The following CDON variants were observed in gnomAD, a reference collection of about 807,000 sequenced individuals.
The protein encoded by CDON is cell adhesion molecule-related/down-regulated by oncogenes.
In CDON, 73 loss-of-function variants were observed where a neutral mutation model predicts 120.9. The ratio of observed to expected loss-of-function variants is 0.60; its 90% confidence interval spans 0.50 to 0.73. The LOEUF is 0.73. Among genes scored for constraint, CDON ranks in the 30% least tolerant of loss-of-function variants. CDON has a pLI of 0.00. For synonymous variants in CDON, 566 were observed against 573.5 expected (o/e 0.99, Z 0.19); for missense variants, 1,470 against 1,587.3 (o/e 0.93, Z 1.26).
intron 7 of CDON, among the ~76,000 whole-genome samples, chr11:126,014,206 A>C (rs144749998): frequency 2.6e-5 from 4 of 152,304 alleles, no homozygotes; most frequent in Admixed American, 2.6e-4. Flanking sequence ...ACAGATAAAG[A>C]ACTCTTATAA....
At chr11:125,998,922 C>T (rs1946863720) in intron 11 of CDON, among the ~76,000 whole-genome samples, 1 of 152,206 alleles carries the variant, frequency 6.6e-6, no homozygotes, top group Non-Finnish European at 1.5e-5. Flanking sequence ...AGCCCCATCT[C>T]TAGCCCATGC....
chr11:125,959,930 T>A lies in CDON; in HGVS notation c.*1012A>T, dbSNP rs1245740648. The stretch of plus-strand genomic sequence containing the variant: ...GTGGCCATTTTATAAATTAATGTAA[T>A]TTTAAAGCAGTGGGACATGAGGCAT... On this transcript the variant is annotated 3_prime_UTR_variant, in exon 20 of 20. Transcript: ENST00000531738. 1 of 152,226 alleles carries A rather than the reference T, an allele frequency of 6.6e-6. No individual in the cohort carries two copies. The highest frequency in any genetic ancestry group is 1.5e-5 in the Non-Finnish European group (1 of 68,048). 9.4% of individuals were successfully genotyped at this position (152,226 alleles called of 1,614,324 possible). A position where few individuals can be genotyped will look rare whatever the true frequency, so the allele number is the denominator to read the frequency against.
At chr11:126,029,451 T>C (rs651284) in intron 1 of CDON, among the ~76,000 whole-genome samples, 117,282 of 152,090 alleles carry the variant, frequency 0.77, 46,480 homozygotes, top group African/African-American at 0.95. Flanking sequence ...TATGCAAAAA[T>C]TGCTGACACT....
chr11:126,028,733 T>C (rs567305241), intron 1 of CDON, among the ~76,000 whole-genome samples: 1 of 151,440 alleles, frequency 6.6e-6, no homozygotes, highest in African/African-American at 2.4e-5. Flanking sequence ...TATTTATTTA[T>C]TTATTTATTT....
chr11:125,984,127 AGT>A (rs768468047), intron 15 of CDON, 34 bp from the exon 16 acceptor site: 4 of 1,400,934 alleles, frequency 2.9e-6, no homozygotes, highest in Non-Finnish European at 4.1e-6. Context: ...ATGATGTCAG[AGT>A]GAATACAGAC....
chr11:125,990,657 A>AG (rs1476444606), intron 14 of CDON, among the ~76,000 whole-genome samples: 2 of 152,166 alleles, frequency 1.3e-5, no homozygotes, highest in African/African-American at 2.4e-5. Context: ...TTAAAGGGGG[A>AG]GAAAAAAAGC....
intron 9 of CDON, among the ~76,000 whole-genome samples, chr11:126,005,218 C>T (rs545054209): frequency 1.0e-4 from 15 of 150,540 alleles, no homozygotes; most frequent in South Asian, 4.2e-4. Context: ...ACGAGAACTG[C>T]TGGAACCCGG....
chr11:126,053,579 C>G (rs937310144), intron 1 of CDON, among the ~76,000 whole-genome samples: 8 of 152,192 alleles, frequency 5.3e-5, no homozygotes, highest in Admixed American at 2.6e-4. Context: ...TCCTGCAAAA[C>G]TGTACTGTCA....
At chr11:126,018,637 T>C (rs1043632079) in intron 4 of CDON, among the ~76,000 whole-genome samples, 164 bp from the exon 5 acceptor site, 6 of 152,078 alleles carry the variant, frequency 3.9e-5, no homozygotes, top group African/African-American at 1.4e-4. Context: ...GGCATAAGCA[T>C]GGCTCGCTAC....
At chr11:126,000,127 C>T (rs986596222) in intron 11 of CDON, among the ~76,000 whole-genome samples, 3 of 152,188 alleles carry the variant, frequency 2.0e-5, no homozygotes, top group Admixed American at 1.3e-4. Context: ...CGAGCATAAG[C>T]AATCAAAATT....
chr11:126,051,461 T>C (rs112343863), intron 1 of CDON, among the ~76,000 whole-genome samples: 1,985 of 152,178 alleles, frequency 0.013, 27 homozygotes, highest in Non-Finnish European at 0.02. Flanking sequence ...GCTACAAGAC[T>C]CCTATTAACA....
intron 1 of CDON, among the ~76,000 whole-genome samples, chr11:126,056,380 G>A (rs922761450): frequency 2.0e-5 from 3 of 152,188 alleles, no homozygotes; most frequent in Non-Finnish European, 4.4e-5. Context: ...GGGACAATTT[G>A]CCCTTCTCCA....
rs984542203 is a variant in CDON at position 126,034,520 on chromosome 11, T to G, written c.-61-10983A>C. ...GGGCAAAAGCTCAGTTAGGTTCTAT[T>G]CACAATATTTGTGTGTTTAAAAAAA... On this transcript the variant is annotated intron_variant, in intron 1 of 19. Transcript: ENST00000531738. This position sits in a 1 kb window ranked among gnomAD's most constrained non-coding sequence, Gnocchi z 4.5. Among the ~76,000 whole-genome samples the G allele has an allele frequency of 6.6e-6, 1 of 152,064 alleles. No homozygotes were observed. The highest frequency in any genetic ancestry group is 1.5e-5 in the Non-Finnish European group (1 of 68,016).
chr11:125,960,943 CA>C lies in CDON; in HGVS notation c.3793del (p.Ter1265GlufsTer15). The C allele has an allele frequency of 6.2e-7, 1 of 1,614,044 alleles. No homozygotes were observed. Among genetic ancestry groups the C allele is most frequent in the Non-Finnish European group, 8.5e-7 (1 of 1,180,020 alleles). ...TEVLQQPRET[*>X] ...ACATGACTGGTTGTTTGCATGTCCT[CA>C]GGTTTCCCGGGGCTGCTGAAGGACC... On this transcript the variant is annotated frameshift_variant and stop_lost, in exon 20 of 20. Coordinates refer to ENST00000531738, the MANE Select transcript of CDON (RefSeq NM_001378964.1). LOFTEE classifies it high-confidence loss of function.
At chr11:126,010,738 A>AG in intron 7 of CDON, 44 bp from the exon 8 acceptor site, 3 of 1,500,298 alleles carry the variant, frequency 2.0e-6, no homozygotes, top group Non-Finnish European at 2.8e-6. Flanking sequence ...AGAACATTGT[A>AG]GTACCTACGA....
At chr11:125,987,673 TATA>T (rs1254877860) in intron 15 of CDON, among the ~76,000 whole-genome samples, 1 of 152,222 alleles carries the variant, frequency 6.6e-6, no homozygotes, top group African/African-American at 2.4e-5. Flanking sequence ...AAATAACAGT[TATA>T]ATGTTTTATG....
At chr11:126,008,567 A>G (rs1446005117) in intron 8 of CDON, among the ~76,000 whole-genome samples, 1 of 152,178 alleles carries the variant, frequency 6.6e-6, no homozygotes, top group African/African-American at 2.4e-5. Flanking sequence ...TCTCATATTT[A>G]AGGTGAGGAA....
intron 1 of CDON, among the ~76,000 whole-genome samples, chr11:126,037,920 T>C (rs1212085678): frequency 6.6e-6 from 1 of 152,148 alleles, no homozygotes; most frequent in Non-Finnish European, 1.5e-5. Flanking sequence ...ACTTAAAAGT[T>C]TATCTTACAC....
intron 1 of CDON, among the ~76,000 whole-genome samples, chr11:126,042,618 ATTTAC>A (rs1266519121): frequency 3.9e-5 from 6 of 152,118 alleles, no homozygotes; most frequent in African/African-American, 1.4e-4. Flanking sequence ...GATTTTATTT[ATTTAC>A]TTTAGTTTTA....
Sources: allele counts gnomAD v4.1 joint callset (sites outside exome capture counted in the v4.1 genomes callset), GRCh38; gene constraint gnomAD v4.1.1; non-coding constraint Gnocchi (gnomAD v3.1); transcripts MANE v1.5; gene names NCBI Gene and HGNC (gene_info 2026-07-23, HGNC 2026-07-21).